SRSF4: variants seen among roughly 807,000 people sequenced by gnomAD.
SRSF4 encodes serine and arginine rich splicing factor 4, also known as serine/arginine-rich splicing factor 4.
Under a neutral mutation model 48.8 loss-of-function variants are expected in SRSF4, and 12 were observed. The observed-to-expected ratio is 0.25, with a 90% CI of 0.16 to 0.40. The LOEUF (loss-of-function observed/expected upper bound fraction) is 0.40. Among genes scored for constraint, SRSF4 ranks in the 10% least tolerant of loss-of-function variants. SRSF4 has a pLI of 1.00. For missense variants in SRSF4, 466 were observed against 667.1 expected (o/e 0.70, Z 3.32); for synonymous variants, 248 against 232.5 (o/e 1.07, Z -0.61).
rs1437946003 is a variant in SRSF4 at position 29,181,630 on chromosome 1, C to G, written c.107+16G>C. On this transcript the variant is annotated intron_variant, in intron 1 of 5. Coordinates refer to ENST00000373795, the MANE Select transcript of SRSF4 (RefSeq NM_005626.5). ...GTCTGTCCCCGCCCGGCCGGACCCT[C>G]TTTCGCCCTCCTCACCCGTTCTTCA... 6.3e-7 allele frequency: 1 copy of G among 1,576,588 alleles called. No individual in the cohort carries two copies. The highest frequency in any genetic ancestry group is 1.8e-5 in the Admixed American group (1 of 55,808).
intron 1 of SRSF4, among the ~76,000 whole-genome samples, chr1:29,174,945 T>G (rs943894029): frequency 1.0e-4 from 15 of 150,404 alleles, no homozygotes; most frequent in African/African-American, 3.7e-4. Flanking sequence ...GTGTTGGGAT[T>G]ATAGGCGTGA....
chr1:29,172,263 T>A (rs1384348097), intron 1 of SRSF4: 2 of 152,186 alleles, frequency 1.3e-5, no homozygotes, highest in Non-Finnish European at 2.9e-5. Context: ...AACTTCCTGA[T>A]TATTTTTCAC....
At position 29,148,297 on chromosome 1, in the gene SRSF4, T is replaced by C. The variant is rs570743940; in HGVS notation, c.*113A>G. The C allele has an allele frequency of 4.7e-4, 636 of 1,356,756 alleles. No homozygotes were observed. In the Admixed American group the frequency reaches 6.4e-3, roughly 14 times the overall value. 84.0% of individuals were successfully genotyped at this position (1,356,756 alleles called of 1,614,324 possible). ...GATTTAACAATTATAGACACACCAT[T>C]AGGGGAGTTAAAAATGTACAGCAGT... On this transcript the variant is annotated 3_prime_UTR_variant, in exon 6 of 6. Transcript: ENST00000373795.
intron 4 of SRSF4, among the ~76,000 whole-genome samples, chr1:29,152,438 G>T (rs899023008): frequency 6.6e-6 from 1 of 152,078 alleles, no homozygotes; most frequent in African/African-American, 2.4e-5. Context: ...AACAAAACCT[G>T]AAAAGTCTCC....
intron 1 of SRSF4, among the ~76,000 whole-genome samples, chr1:29,165,455 TTATCTGAGTTTG>T (rs1672657873): frequency 6.6e-6 from 1 of 152,020 alleles, no homozygotes; most frequent in African/African-American, 2.4e-5. Flanking sequence ...GCAAGAATTA[TTATCTGAGTTTG>T]TATCCTTGCT....
chr1:29,154,454 C>T (rs923366802), intron 4 of SRSF4: 1 of 473,454 alleles, frequency 2.1e-6, no homozygotes, highest in African/African-American at 2.0e-5. Flanking sequence ...CTTGGCCTCC[C>T]AAAGTGCTGG....
intron 1 of SRSF4, among the ~76,000 whole-genome samples, chr1:29,174,193 C>CA (rs773224579): frequency 0.13 from 10,160 of 78,724 alleles, 388 homozygotes; most frequent in African/African-American, 0.16. Context: ...GACCCCATCT[C>CA]AAAAAAAAAA....
At chr1:29,173,707 C>T (rs1413779532) in intron 1 of SRSF4, among the ~76,000 whole-genome samples, 1 of 150,636 alleles carries the variant, frequency 6.6e-6, no homozygotes, top group Admixed American at 6.6e-5. Context: ...CCTCAGCTTC[C>T]CAAAAGTGCT....
intron 2 of SRSF4, chr1:29,159,791 G>T: frequency 4.8e-6 from 1 of 209,580 alleles, no homozygotes; most frequent in Non-Finnish European, 9.7e-6. Context: ...TACTAAATCA[G>T]TTACTGGTGT....
At chr1:29,153,237 A>G (rs1291810402) in intron 4 of SRSF4, among the ~76,000 whole-genome samples, 1 of 151,996 alleles carries the variant, frequency 6.6e-6, no homozygotes, top group East Asian at 1.9e-4. Context: ...GTTCCGGTTT[A>G]AGCGATTCTC....
At chr1:29,166,540 A>G (rs188296417) in intron 1 of SRSF4, among the ~76,000 whole-genome samples, 113 of 152,322 alleles carry the variant, frequency 7.4e-4, no homozygotes, top group Non-Finnish European at 1.4e-3. Context: ...TTATGGTTGC[A>G]ATTTGACTTT....
chr1:29,149,125 C>A lies in SRSF4; in HGVS notation c.770G>T (p.Ser257Ile). 6.2e-7 allele frequency: 1 copy of A among 1,610,166 alleles called. No individual in the cohort carries two copies. The highest frequency in any genetic ancestry group is 8.5e-7 in the Non-Finnish European group (1 of 1,177,394). Residue 257 changes from serine (S) to isoleucine (I), a missense_variant, in exon 6 of 6, where the codon AGC becomes ATC. Around this residue, in one of 2 missense-constraint regions of SRSF4, gnomAD observed 402 missense variants for 437.0 expected, o/e 0.92. Coordinates refer to ENST00000373795, the MANE Select transcript of SRSF4 (RefSeq NM_005626.5). ...SRSPSKEKSR[S>I]RSHSAGKSRS... is the part of the protein sequence containing the mutation. ...GCTCTTGCCAGCGCTATGGCTGCGG[C>A]TGCGGCTCTTTTCCTTGCTGGGGCT... is the stretch of plus-strand genomic sequence containing the variant.
At chr1:29,162,517 TAAC>T (rs1309429295) in intron 1 of SRSF4, among the ~76,000 whole-genome samples, 6 of 152,294 alleles carry the variant, frequency 3.9e-5, no homozygotes, top group Admixed American at 2.6e-4. Context: ...TTCAAAACAA[TAAC>T]AACAACAAAA....
Position 29,149,280 on chromosome 1 carries a change from AG to A in SRSF4, c.669-55del, listed in dbSNP as rs1672365267. 3.2e-6 allele frequency: 5 copies of A among 1,575,792 alleles called. No homozygotes were observed. The South Asian group carries it at 5.6e-5, about 18-fold the overall frequency. On this transcript the variant is annotated intron_variant, in intron 5 of 5. Transcript: ENST00000373795. ...CACATGTGACTTCATGCTAATCAGGAGATAAAAAGACCAAAGGGCATACATG... is the reference window on the plus strand; with the variant it reads ...CACATGTGACTTCATGCTAATCAGGAATAAAAAGACCAAAGGGCATACATG...
intron 1 of SRSF4, among the ~76,000 whole-genome samples, chr1:29,177,438 C>T (rs562707280): frequency 9.9e-5 from 15 of 152,198 alleles, no homozygotes; most frequent in African/African-American, 1.2e-4. Context: ...TGTGCCACGA[C>T]GCCCGGCTAA....
intron 1 of SRSF4, among the ~76,000 whole-genome samples, chr1:29,174,418 A>G (rs1320666989): frequency 6.6e-5 from 10 of 152,208 alleles, no homozygotes; most frequent in Admixed American, 5.9e-4. Context: ...TGCATAAAAT[A>G]GTACAAAAAT....
chr1:29,178,362 T>TTTTTTTTTTC, intron 1 of SRSF4, among the ~76,000 whole-genome samples: 2 of 150,368 alleles, frequency 1.3e-5, no homozygotes, highest in Non-Finnish European at 3.0e-5. Context: ...ACTTTTTTTT[T>TTTTTTTTTTC]TGAGACAGAG....
intron 1 of SRSF4, chr1:29,169,103 T>G (rs1672709021): frequency 6.6e-6 from 1 of 152,252 alleles, no homozygotes; most frequent in South Asian, 2.1e-4. Flanking sequence ...TTTGAAAGTT[T>G]TACGATGTAT....
chr1:29,174,410 C>T (rs1432012823), intron 1 of SRSF4, among the ~76,000 whole-genome samples: 46 of 152,024 alleles, frequency 3.0e-4, no homozygotes, highest in Admixed American at 3.0e-3. Flanking sequence ...ATTATACATG[C>T]ATAAAATAGT....
Sources: allele counts gnomAD v4.1 joint callset (sites outside exome capture counted in the v4.1 genomes callset), GRCh38; gene constraint gnomAD v4.1.1; regional missense constraint gnomAD v4.1.1; transcripts MANE v1.5; gene names NCBI Gene and HGNC (gene_info 2026-07-23, HGNC 2026-07-21).